C11orf65: variants seen among roughly 807,000 people sequenced by gnomAD.
The protein encoded by C11orf65 is protein MFI.
A neutral mutation model predicts 35.3 loss-of-function variants in C11orf65; 38 were observed. That is an observed-to-expected ratio of 1.08 (90% CI 0.83 to 1.41). C11orf65 has a LOEUF of 1.41. Among genes scored for constraint, C11orf65 ranks in the 40% most tolerant of loss-of-function variants. The pLI, the probability that C11orf65 is intolerant of heterozygous loss-of-function variation, is 0.00. For synonymous variants in C11orf65, 105 were observed against 114.4 expected (o/e 0.92, Z 0.53); for missense variants, 370 against 367.1 (o/e 1.01, Z -0.06).
Position 108,332,898 on chromosome 11 carries a change from G to GA in C11orf65, c.300-1332dup. 1 of 1,611,930 alleles carries GA rather than the reference G, an allele frequency of 6.2e-7. No homozygotes were observed. The highest frequency in any genetic ancestry group is 8.5e-7 in the Non-Finnish European group (1 of 1,179,526). On this transcript the variant is annotated intron_variant, in intron 3 of 3. Transcript: ENST00000524755. ...GATGCCACTCAGTGGAAGACTCAGA[G>GA]AAGTATGTTTTTTTTAAAGAAGAAA...
At chr11:108,469,714 A>T (rs1013832261), upstream of C11orf65, among the ~76,000 whole-genome samples, 4 of 152,036 alleles carry the variant, frequency 2.6e-5, no homozygotes, top group African/African-American at 9.7e-5. Flanking sequence ...ACATGTAAAA[A>T]TTGTTCAGTT....
downstream of C11orf65, chr11:108,327,673 C>T (rs3092831): frequency 4.6e-5 from 74 of 1,613,966 alleles, no homozygotes; most frequent in African/African-American, 9.5e-4. Context: ...CTTACATACA[C>T]AGAATGTCTG....
intron 3 of C11orf65, among the ~76,000 whole-genome samples, chr11:108,426,604 C>T (rs2092906436): frequency 6.6e-6 from 1 of 152,082 alleles, no homozygotes; most frequent in Admixed American, 6.5e-5. Flanking sequence ...ATGCTATCCC[C>T]ATCAAGCTAC....
chr11:108,325,248 AGT>A, intron 6 of C11orf65: 3 of 907,832 alleles, frequency 3.3e-6, no homozygotes, highest in Non-Finnish European at 4.9e-6. Flanking sequence ...GAACTTACAT[AGT>A]TTTTTTTTTT....
chr11:108,349,307 G>C (rs1414974822), intron 2 of C11orf65, among the ~76,000 whole-genome samples: 1 of 152,176 alleles, frequency 6.6e-6, no homozygotes, highest in African/African-American at 2.4e-5. Flanking sequence ...CCTTTGGATA[G>C]AATGGAGGAA....
chr11:108,460,855 AGCT>A (rs2093465850), intron 2 of C11orf65, among the ~76,000 whole-genome samples: 1 of 151,944 alleles, frequency 6.6e-6, no homozygotes, highest in Non-Finnish European at 1.5e-5. Context: ...CCTCCCGTGT[AGCT>A]GGGATTACAG....
chr11:108,426,787 G>C (rs1320082033), intron 3 of C11orf65, among the ~76,000 whole-genome samples: 2 of 152,082 alleles, frequency 1.3e-5, no homozygotes, highest in Non-Finnish European at 2.9e-5. Context: ...GCATGGTACT[G>C]ATACCAAAAC....
In C11orf65 at chr11:108,436,656, C is replaced by T. The variant is rs540614042; in HGVS notation, c.82-4818G>A. Among the ~76,000 whole-genome samples the T allele has an allele frequency of 1.1e-4, 16 of 152,218 alleles. No homozygotes were observed. In the South Asian group the frequency reaches 2.9e-3, roughly 28 times the overall value. On this transcript the variant is annotated intron_variant, in intron 2 of 8. Coordinates refer to ENST00000393084, the MANE Select transcript of C11orf65 (RefSeq NM_152587.5). The stretch of plus-strand genomic sequence containing the variant: ...ACAAGGACAAATATAAAGAAAATGA[C>T]ATATAGACACATCATAATCAAACTG...
intron 2 of C11orf65, among the ~76,000 whole-genome samples, chr11:108,337,456 A>G (rs1031388548): frequency 2.0e-5 from 3 of 152,274 alleles, no homozygotes; most frequent in Non-Finnish European, 2.9e-5. Context: ...TTTAGCAGAC[A>G]TCATAGTCAC....
chr11:108,397,984 A>G (rs2138512448), intron 6 of C11orf65, among the ~76,000 whole-genome samples: 1 of 152,324 alleles, frequency 6.6e-6, no homozygotes, highest in South Asian at 2.1e-4. Context: ...GAAGTACCTA[A>G]TTGTGTCTAG....
rs3092845 is a variant in C11orf65, at chr11:108,368,644, A to G, written c.226+24564T>C. On this transcript the variant is annotated intron_variant, in intron 2 of 3. Coordinates refer to the C11orf65 transcript ENST00000524755. ...TGCCAGTCAGTTGCTCAAAAGGTCA[A>G]TGAAAACCAAATAGTGAAGCTATCA... The G allele has an allele frequency of 2.3e-3, 499 of 217,468 alleles. 3 individuals carry two copies. Among genetic ancestry groups the G allele is most frequent in the Middle Eastern group, 5.8e-3 (4 of 684 alleles). 13.5% of individuals were successfully genotyped at this position (217,468 alleles called of 1,614,324 possible).
rs934623270 is a variant in C11orf65 at position 108,336,019 on chromosome 11, G to A, written c.227-727C>T. The A allele has an allele frequency of 2.3e-6, 3 of 1,331,892 alleles. No homozygotes were observed. In the Admixed American group the frequency reaches 5.1e-5, roughly 23 times the overall value. 82.5% of individuals were successfully genotyped at this position (1,331,892 alleles called of 1,614,324 possible). On this transcript the variant is annotated intron_variant, in intron 2 of 3. Coordinates refer to the C11orf65 transcript ENST00000524755. ...AACATATAAAAGATGCCATTTGGTT[G>A]GGTGAAGTGGCTCATGCCCATATTC...
At chr11:108,409,339 A>G (rs1215862817) in intron 3 of C11orf65, among the ~76,000 whole-genome samples, 1 of 152,136 alleles carries the variant, frequency 6.6e-6, no homozygotes, top group Non-Finnish European at 1.5e-5. Flanking sequence ...GGTTATAACA[A>G]TCATTTCTCT....
At chr11:108,314,127 T>C (rs1398532839) in intron 6 of C11orf65, among the ~76,000 whole-genome samples, 1 of 152,182 alleles carries the variant, frequency 6.6e-6, no homozygotes, top group African/African-American at 2.4e-5. Flanking sequence ...TTTTTTGTTT[T>C]TTTTTCCAGA....
chr11:108,345,411 C>T (rs1341953778), intron 2 of C11orf65, among the ~76,000 whole-genome samples: 1 of 152,186 alleles, frequency 6.6e-6, no homozygotes, highest in African/African-American at 2.4e-5. Flanking sequence ...CAACCCAATG[C>T]TGTGATGCCA....
At chr11:108,317,541 T>TG in intron 6 of C11orf65, 1 of 1,329,256 alleles carries the variant, frequency 7.5e-7, no homozygotes, top group Non-Finnish European at 1.0e-6. Context: ...TTGACTTGAT[T>TG]TTTTTTTTTT....
intron 7 of C11orf65, among the ~76,000 whole-genome samples, chr11:108,387,148 C>CTTTTTTTTTTTTTTTTTTTT (rs1175890979): frequency 5.8e-4 from 49 of 84,408 alleles, no homozygotes; most frequent in Non-Finnish European, 7.2e-4. Flanking sequence ...TTCTTTCTTT[C>CTTTTTTTTTTTTTTTTTTTT]TTTTTTTTTT....
chr11:108,417,692 C>T (rs1470988313), intron 3 of C11orf65, among the ~76,000 whole-genome samples: 1 of 152,074 alleles, frequency 6.6e-6, no homozygotes, highest in Non-Finnish European at 1.5e-5. Context: ...CATGTTCTCA[C>T]TCATAATGGG....
chr11:108,469,022 G>GT (rs1212930712), upstream of C11orf65, among the ~76,000 whole-genome samples: 1 of 151,914 alleles, frequency 6.6e-6, no homozygotes, highest in Non-Finnish European at 1.5e-5. Flanking sequence ...TTTTTTGTAT[G>GT]TTTAGTAGAG....
Sources: gnomAD v4.1 joint callset for allele counts (sites outside exome capture counted in the v4.1 genomes callset) on GRCh38, gnomAD v4.1.1 for gene constraint, MANE v1.5 for transcripts, NCBI Gene and HGNC (gene_info 2026-07-23, HGNC 2026-07-21) for gene names.